The following STARD13 variants were observed in gnomAD, a reference collection of about 807,000 sequenced individuals.
STARD13 encodes the protein StAR related lipid transfer domain containing 13.
Under a neutral mutation model 106.4 loss-of-function variants are expected in STARD13, and 62 were observed. The observed-to-expected ratio is 0.58, with a 90% CI of 0.48 to 0.72. STARD13 has a LOEUF of 0.72. STARD13 is among the 30% of genes least tolerant of loss of function. The pLI, the probability that STARD13 is intolerant of heterozygous loss-of-function variation, is 0.00. For synonymous variants in STARD13, 565 were observed against 553.0 expected (o/e 1.02, Z -0.31); for missense variants, 1,387 against 1,424.0 (o/e 0.97, Z 0.42).
chr13:33,355,859 A>G, the STARD13 span, among the ~76,000 whole-genome samples: 3 of 152,298 alleles, frequency 2.0e-5, no homozygotes, highest in South Asian at 6.2e-4. Flanking sequence ...AATGCTAACA[A>G]TTTTGATTGC....
chr13:33,502,569 A>T, the STARD13 span, among the ~76,000 whole-genome samples: 10 of 152,108 alleles, frequency 6.6e-5, no homozygotes. Flanking sequence ...ATCAATACCT[A>T]GTTTGTTGAG....
chr13:33,658,809 A>G, the STARD13 span, among the ~76,000 whole-genome samples: 1 of 152,204 alleles, frequency 6.6e-6, no homozygotes, highest in Non-Finnish European at 1.5e-5. Flanking sequence ...GATTAGAGAG[A>G]GAGTTGGGAC....
At chr13:33,416,654 G>A in the STARD13 span, among the ~76,000 whole-genome samples, 13 of 152,160 alleles carry the variant, frequency 8.5e-5, no homozygotes, top group Non-Finnish European at 1.8e-4. Context: ...CAAAAGATTA[G>A]TCAGATTCCT....
At chr13:33,618,305 A>C in the STARD13 span, among the ~76,000 whole-genome samples, 2 of 152,254 alleles carry the variant, frequency 1.3e-5, no homozygotes, top group African/African-American at 4.8e-5. Flanking sequence ...TATGTCAGTC[A>C]TTGAATAAAT....
At chr13:33,657,223 T>C in the STARD13 span, among the ~76,000 whole-genome samples, 1 of 152,160 alleles carries the variant, frequency 6.6e-6, no homozygotes, top group Non-Finnish European at 1.5e-5. Context: ...TGAGCAGAGA[T>C]TGTGCCACTG....
the STARD13 span, among the ~76,000 whole-genome samples, chr13:33,509,907 G>A: frequency 2.6e-5 from 4 of 152,178 alleles, no homozygotes; most frequent in African/African-American, 9.7e-5. Flanking sequence ...ACGCATAGCT[G>A]TGCAGGACAA....
chr13:33,600,005 C>T, the STARD13 span, among the ~76,000 whole-genome samples: 6 of 152,200 alleles, frequency 3.9e-5, no homozygotes, highest in African/African-American at 1.2e-4. Flanking sequence ...CTTACAACTA[C>T]GTGATCAAAC....
the STARD13 span, among the ~76,000 whole-genome samples, chr13:33,425,893 C>T: frequency 3.3e-5 from 5 of 152,264 alleles, no homozygotes; most frequent in East Asian, 5.8e-4. Flanking sequence ...TTAAGACATC[C>T]GAAGTAACCT....
intron 1 of STARD13, among the ~76,000 whole-genome samples, chr13:33,310,544 A>C (rs1036050182): frequency 1.3e-5 from 2 of 152,166 alleles, no homozygotes; most frequent in Non-Finnish European, 1.5e-5. Context: ...CTTTATTATA[A>C]AAAAATAACA....
intron 1 of STARD13, among the ~76,000 whole-genome samples, chr13:33,343,595 AAACAAATCT>A (rs2077986691): frequency 2.3e-5 from 2 of 87,970 alleles, no homozygotes; most frequent in African/African-American, 4.9e-5. Context: ...AAAAAAAAAA[AAACAAATCT>A]ACAAATCTAG....
At chr13:33,170,809 C>T (rs1883874000) in intron 1 of STARD13, among the ~76,000 whole-genome samples, 1 of 152,140 alleles carries the variant, frequency 6.6e-6, no homozygotes, top group Non-Finnish European at 1.5e-5. Context: ...AGGACAAAGC[C>T]AACTCTCATT....
At chr13:33,290,840 G>A (rs1457750339) in intron 1 of STARD13, among the ~76,000 whole-genome samples, 1 of 152,198 alleles carries the variant, frequency 6.6e-6, no homozygotes, top group Non-Finnish European at 1.5e-5. Context: ...TTGTTTCACA[G>A]ATCTAGAATT....
chr13:33,492,873 G>T, the STARD13 span, among the ~76,000 whole-genome samples: 1 of 151,894 alleles, frequency 6.6e-6, no homozygotes, highest in African/African-American at 2.4e-5. Flanking sequence ...CTCTCTTGGG[G>T]TCTGGATCAG....
At chr13:33,117,960 G>T in intron 8 of STARD13, 105 bp downstream of exon 8, 1 of 1,548,586 alleles carries the variant, frequency 6.5e-7, no homozygotes. Context: ...ACATCTTTAT[G>T]GATTGATGTA....
the STARD13 span, among the ~76,000 whole-genome samples, chr13:33,636,045 G>C: frequency 1.3e-5 from 2 of 149,224 alleles, no homozygotes; most frequent in Non-Finnish European, 3.0e-5. Context: ...GGGAGTCTGA[G>C]ACAGGAGAAT....
At chr13:33,143,222 T>G (rs1355815108) in intron 3 of STARD13, among the ~76,000 whole-genome samples, 1 of 152,232 alleles carries the variant, frequency 6.6e-6, no homozygotes, top group East Asian at 1.9e-4. Flanking sequence ...ATTTTGATTT[T>G]CACCCTCAGC....
chr13:33,217,116 G>A (rs1888089441), intron 1 of STARD13, among the ~76,000 whole-genome samples: 1 of 152,106 alleles, frequency 6.6e-6, no homozygotes, highest in Non-Finnish European at 1.5e-5. Context: ...ATGTCTCGTT[G>A]GCTGGCTTCA....
At position 33,198,165 on chromosome 13, in the gene STARD13, C is replaced by T. The variant is rs182786116; in HGVS notation, c.170-30543G>A. Among the ~76,000 whole-genome samples, 42 of 152,288 alleles carry T rather than the reference C, an allele frequency of 2.8e-4. 1 individual carries two copies. The highest frequency in any genetic ancestry group is 1.0e-3 in the African/African-American group (42 of 41,556). The stretch of plus-strand genomic sequence containing the variant: ...CCTGGGCCACAGAGTGAGACTCCGT[C>T]TCAAAAAAACAAAACAAAAGAAAAG... On this transcript the variant is annotated intron_variant, in intron 1 of 13. Transcript: ENST00000336934.
chr13:33,354,329 A>C (rs915896553), upstream of STARD13, among the ~76,000 whole-genome samples: 4 of 151,890 alleles, frequency 2.6e-5, no homozygotes, highest in African/African-American at 9.7e-5. Context: ...TTTGTTCTTC[A>C]CTCATCCTTC....
Sources: gnomAD v4.1 joint callset for allele counts (sites outside exome capture counted in the v4.1 genomes callset) on GRCh38, gnomAD v4.1.1 for gene constraint, MANE v1.5 for transcripts, NCBI Gene and HGNC (gene_info 2026-07-23, HGNC 2026-07-21) for gene names.